Variants in DDX60L observed in about 807,000 individuals in gnomAD.
DDX60L encodes DExD/H-box 60 like.
A neutral mutation model predicts 211.6 loss-of-function variants in DDX60L; 191 were observed. That is an observed-to-expected ratio of 0.90 (90% CI 0.80 to 1.02). The LOEUF is 1.02. DDX60L is among the 50% of genes least tolerant of loss of function. DDX60L has a pLI of 0.00. For missense variants in DDX60L, 2,007 were observed against 1,984.1 expected (o/e 1.01, Z -0.22); for synonymous variants, 706 against 694.1 (o/e 1.02, Z -0.27).
chr4:168,398,531 C>T (rs1746226962), intron 26 of DDX60L, among the ~76,000 whole-genome samples: 1 of 152,174 alleles, frequency 6.6e-6, no homozygotes. Context: ...GGAGTGGGTC[C>T]CTGGTGAAGT....
intron 4 of DDX60L, chr4:168,470,846 A>G: frequency 7.1e-6 from 2 of 280,092 alleles, no homozygotes; most frequent in Non-Finnish European, 7.1e-6. Context: ...ATCTAAAAAA[A>G]AAAAAAGAAA....
chr4:168,367,045 G>C (rs1740120917), intron 36 of DDX60L, among the ~76,000 whole-genome samples: 1 of 151,896 alleles, frequency 6.6e-6, no homozygotes, highest in East Asian at 1.9e-4. Context: ...AATATAATAT[G>C]CTAATATGTC....
At chr4:168,431,994 C>T (rs1057300822) in intron 12 of DDX60L, among the ~76,000 whole-genome samples, 2 of 152,070 alleles carry the variant, frequency 1.3e-5, no homozygotes, top group African/African-American at 4.8e-5. Flanking sequence ...ATGGCTGTAT[C>T]AGCATATTTA....
At chr4:168,465,938 G>T (rs1013131091) in intron 4 of DDX60L, among the ~76,000 whole-genome samples, 2 of 151,912 alleles carry the variant, frequency 1.3e-5, no homozygotes, top group Non-Finnish European at 2.9e-5. Context: ...AATACCCCCA[G>T]CTTTTAAAAC....
Position 168,357,916 on chromosome 4 carries a change from C to G in DDX60L, c.*231G>C. Reference sequence around the variant, plus strand: ...ACATTATCTCATTTAATCCTCAAAACAACTAGAGGTATTCATTTTTACTCC... The same window carrying G: ...ACATTATCTCATTTAATCCTCAAAAGAACTAGAGGTATTCATTTTTACTCC... On this transcript the variant is annotated 3_prime_UTR_variant, in exon 38 of 38. Transcript: ENST00000682922. 2.5e-6 allele frequency: 1 copy of G among 405,074 alleles called. No homozygotes were observed. The highest frequency in any genetic ancestry group is 4.4e-6 in the Non-Finnish European group (1 of 226,724). The allele number at this position is 405,074 out of a possible 1,614,324, so 25.1% of individuals were successfully genotyped here. A position where few individuals can be genotyped will look rare whatever the true frequency, so the allele number is the denominator to read the frequency against.
chr4:168,392,655 C>T (rs1745047261), intron 28 of DDX60L, among the ~76,000 whole-genome samples: 1 of 152,046 alleles, frequency 6.6e-6, no homozygotes, highest in Non-Finnish European at 1.5e-5. Context: ...ACCAGCCTGA[C>T]CAACATGGAG....
rs1349543425 is a variant in DDX60L at position 168,415,347 on chromosome 4, T to C, written c.2979+61A>G. 10 of 957,486 alleles carry C rather than the reference T, an allele frequency of 1.0e-5. No homozygotes were observed. The Admixed American group carries it at 1.3e-4, about 13-fold the overall frequency. 59.3% of individuals were successfully genotyped at this position (957,486 alleles called of 1,614,324 possible). A position where few individuals can be genotyped will look rare whatever the true frequency, so the allele number is the denominator to read the frequency against. ...TGCAGTTCTATGAAGATTGAGTCCC[T>C]TTCCAGTTGCGATATACACTAAAAA... On this transcript the variant is annotated intron_variant, in intron 22 of 37. Coordinates refer to ENST00000682922, the MANE Select transcript of DDX60L (RefSeq NM_001012967.3).
Position 168,461,990 on chromosome 4 carries a change from G to A in DDX60L, c.315C>T (p.Thr105=), listed in dbSNP as rs367819519. The A allele has an allele frequency of 2.8e-4, 451 of 1,611,820 alleles. 1 individual carries two copies. The East Asian group carries it at 3.4e-3, about 12-fold the overall frequency. Residue 105 remains threonine (T), a synonymous_variant, in exon 5 of 38, where the codon ACC becomes ACT. Transcript: ENST00000682922. ...FDFPELLSLR[T]ALILHLQHNT... ...TGTGTTGAAGGTGGAGAATTAAAGCGGTCCTCAATGAAAGAAGTTCAGGAA... is the reference window on the plus strand; with the variant it reads ...TGTGTTGAAGGTGGAGAATTAAAGCAGTCCTCAATGAAAGAAGTTCAGGAA...
chr4:168,415,775 G>A lies in DDX60L; in HGVS notation c.2751C>T (p.Tyr917=), dbSNP rs751111741. The A allele has an allele frequency of 2.5e-6, 4 of 1,573,930 alleles. No homozygotes were observed. Among genetic ancestry groups the A allele is most frequent in the African/African-American group, 1.4e-5 (1 of 73,872 alleles). The change falls in exon 21 of 38, where the codon TAC becomes TAT. Residue 917 remains tyrosine (Y), a synonymous_variant. Transcript: ENST00000682922. ...CCATAATCTTGTCTGCCTGTTTCCA[G>A]TACTGTTTTACTGATTGCAGCCACC... The part of the protein sequence containing the change: ...LTKWLQSVKQ[Y]WKQADKIMEE...
At chr4:168,406,512 T>C (rs548983660) in intron 23 of DDX60L, 90 bp downstream of exon 23, 10 of 873,380 alleles carry the variant, frequency 1.1e-5, no homozygotes, top group Non-Finnish European at 1.8e-5. Flanking sequence ...GTAGAGAGAA[T>C]AAGTGTGCTT....
chr4:168,460,801 C>T (rs938084459), intron 5 of DDX60L, among the ~76,000 whole-genome samples: 3 of 152,188 alleles, frequency 2.0e-5, no homozygotes, highest in Non-Finnish European at 4.4e-5. Context: ...ATCACAAATG[C>T]CGGGCTTCAC....
At chr4:168,468,604 T>C (rs1228433498) in intron 4 of DDX60L, 3 of 152,078 alleles carry the variant, frequency 2.0e-5, no homozygotes, top group Non-Finnish European at 4.4e-5. Flanking sequence ...TCCCACTCAC[T>C]CTACTTCAGC....
intron 24 of DDX60L, among the ~76,000 whole-genome samples, chr4:168,404,423 G>A (rs1016341003): frequency 6.6e-6 from 1 of 151,836 alleles, no homozygotes; most frequent in Non-Finnish European, 1.5e-5. Flanking sequence ...AGTGACAAAG[G>A]GTTTCTCCAG....
intron 33 of DDX60L, among the ~76,000 whole-genome samples, chr4:168,377,079 T>A (rs912041978): frequency 6.6e-6 from 1 of 152,042 alleles, no homozygotes; most frequent in Non-Finnish European, 1.5e-5. Context: ...TCACTTGAGG[T>A]CAGGAGTTTA....
At chr4:168,424,530 C>T (rs1008419258) in intron 14 of DDX60L, among the ~76,000 whole-genome samples, 1 of 152,120 alleles carries the variant, frequency 6.6e-6, no homozygotes, top group African/African-American at 2.4e-5. Context: ...AGACAGAGTT[C>T]TTACATCAAG....
At chr4:168,447,525 T>C (rs1755003082) in intron 9 of DDX60L, among the ~76,000 whole-genome samples, 1 of 152,018 alleles carries the variant, frequency 6.6e-6, no homozygotes, top group Admixed American at 6.6e-5. Flanking sequence ...AGCCATCCCA[T>C]TACTGGGTAT....
At position 168,427,023 on chromosome 4, in the gene DDX60L, AATATTTTCATCACTACTCTTTATCCAT is replaced by A. The variant is rs767049450; in HGVS notation, c.1930+20_1930+46del. On this transcript the variant is annotated intron_variant, in intron 14 of 37. Coordinates refer to ENST00000682922, the MANE Select transcript of DDX60L (RefSeq NM_001012967.3). ...ATTCAGTAAATATGTTAACATCATT[AATATTTTCATCACTACTCTTTATCCAT>A]AGAGTATGGAGTCCCATACCTTCAC... 78 of 1,523,630 alleles carry A rather than the reference AATATTTTCATCACTACTCTTTATCCAT, an allele frequency of 5.1e-5. No individual in the cohort carries two copies. The African/African-American group carries it at 8.9e-4, about 17-fold the overall frequency. 94.4% of individuals were successfully genotyped at this position (1,523,630 alleles called of 1,614,324 possible).
At position 168,404,083 on chromosome 4, in the gene DDX60L, A is replaced by T; in HGVS notation, c.3237T>A (p.Leu1079=). The T allele has an allele frequency of 7.1e-7, 1 of 1,417,390 alleles. No individual in the cohort carries two copies. The highest frequency in any genetic ancestry group is 9.3e-7 in the Non-Finnish European group (1 of 1,072,822). The allele number at this position is 1,417,390 out of a possible 1,614,324, so 87.8% of individuals were successfully genotyped here. A position where few individuals can be genotyped will look rare whatever the true frequency, so the allele number is the denominator to read the frequency against. The change falls in exon 25 of 38, where the codon CTT becomes CTA. Residue 1079 remains leucine (L), a synonymous_variant. Coordinates refer to ENST00000682922, the MANE Select transcript of DDX60L (RefSeq NM_001012967.3). The stretch of plus-strand genomic sequence containing the variant: ...TTGAACTAGACAATGAATCCGGACT[A>T]AGGTTCTTCAGTACTCTTTTGACCT... The part of the protein sequence containing the change: ...VKKVKRVLKN[L]SPDSLSSSKD...
rs1361486697 is a variant in DDX60L, at chr4:168,408,075, C to T, written c.2980-1369G>A. On this transcript the variant is annotated intron_variant, in intron 22 of 37. Coordinates refer to ENST00000682922, the MANE Select transcript of DDX60L (RefSeq NM_001012967.3). Reference sequence around the variant, plus strand: ...GAGGATTTCAGTATCTCATAAACTGCATCTTGCAGGTGACCAAATATTCTG... The same window carrying T: ...GAGGATTTCAGTATCTCATAAACTGTATCTTGCAGGTGACCAAATATTCTG... Among the ~76,000 whole-genome samples, 4 of 152,308 alleles carry T rather than the reference C, an allele frequency of 2.6e-5. No individual in the cohort carries two copies. The East Asian group carries it at 7.7e-4, about 29-fold the overall frequency.
Sources: allele counts gnomAD v4.1 joint callset (sites outside exome capture counted in the v4.1 genomes callset), GRCh38; gene constraint gnomAD v4.1.1; transcripts MANE v1.5; gene names NCBI Gene and HGNC (gene_info 2026-07-23, HGNC 2026-07-21).